Variants in PAX4 observed in about 807,000 individuals in gnomAD.
PAX4 encodes the protein paired box 4.
A neutral mutation model predicts 40.6 loss-of-function variants in PAX4; 33 were observed. The ratio of observed to expected loss-of-function variants is 0.81; its 90% confidence interval spans 0.62 to 1.09. The LOEUF (loss-of-function observed/expected upper bound fraction) is 1.09, where lower values mean the gene tolerates loss of function less well. Among genes scored for constraint, PAX4 ranks in the 50% least tolerant of loss-of-function variants. The pLI is 0.00. For synonymous variants in PAX4, 174 were observed against 170.6 expected (o/e 1.02, Z -0.16); for missense variants, 459 against 442.5 (o/e 1.04, Z -0.33).
rs36159526 is a variant in PAX4 at position 127,610,546 on chromosome 7, AGTGTGT to A, written c.*512_*517del. On this transcript the variant is annotated 3_prime_UTR_variant, in exon 12 of 12. Transcript: ENST00000639438. ...GAATAAAATGCCATGATATAATGTC[AGTGTGT>A]GTGTGTGTGTGTGTGTGTGCGCGCA... is the stretch of plus-strand genomic sequence containing the variant. The A allele has an allele frequency of 6.8e-5, 14 of 204,420 alleles. No homozygotes were observed. The highest frequency in any genetic ancestry group is 1.8e-4 in the East Asian group (2 of 11,076). The allele number at this position is 204,420 out of a possible 1,614,324, so 12.7% of individuals were successfully genotyped here.
In PAX4 at chr7:127,610,730, T is replaced by G; in HGVS notation, c.*334A>C. ...AGATGTAAATAAATGATAGGGCAAA[T>G]TGTCTATAATTGTTGAATATTAGAG... On this transcript the variant is annotated 3_prime_UTR_variant, in exon 12 of 12. Coordinates refer to ENST00000639438, the MANE Select transcript of PAX4 (RefSeq NM_001366110.1). 2 of 694,540 alleles carry G rather than the reference T, an allele frequency of 2.9e-6. No individual in the cohort carries two copies. Among genetic ancestry groups the G allele is most frequent in the Non-Finnish European group, 4.9e-6 (2 of 410,956 alleles). 43.0% of individuals were successfully genotyped at this position (694,540 alleles called of 1,614,324 possible). A position where few individuals can be genotyped will look rare whatever the true frequency, so the allele number is the denominator to read the frequency against.
chr7:127,614,808 A>G, intron 5 of PAX4, 72 bp downstream of exon 5: 1 of 1,557,970 alleles, frequency 6.4e-7, no homozygotes, highest in Non-Finnish European at 8.7e-7. Flanking sequence ...ACATTGCCAA[A>G]TAAGAAAGGT....
At chr7:127,612,831 TGTG>T (rs1221953695) in intron 9 of PAX4, among the ~76,000 whole-genome samples, 188 bp downstream of exon 9, 1 of 146,170 alleles carries the variant, frequency 6.8e-6, no homozygotes, top group Non-Finnish European at 1.5e-5. Context: ...GATGGGTGGG[TGTG>T]GTGGGTGGAT....
At chr7:127,614,589 G>A (rs1290543143) in intron 5 of PAX4, 32 bp from the exon 6 acceptor site, 2 of 1,540,036 alleles carry the variant, frequency 1.3e-6, no homozygotes, top group African/African-American at 2.7e-5. Flanking sequence ...GTGGAGAGAT[G>A]GTGCTCAGAC....
chr7:127,611,346 A>C, intron 11 of PAX4, 140 bp from the exon 12 acceptor site: 1 of 1,344,698 alleles, frequency 7.4e-7, no homozygotes, highest in Non-Finnish European at 1.1e-6. Context: ...TTTACCTGCT[A>C]TGGCTGTCAG....
intron 9 of PAX4, among the ~76,000 whole-genome samples, chr7:127,612,600 T>A (rs1794649238): frequency 6.7e-6 from 1 of 149,446 alleles, no homozygotes; most frequent in Non-Finnish European, 1.5e-5. Context: ...GATAAATGGA[T>A]GGATGGAGAG....
chr7:127,611,886 A>C (rs1357349266), intron 10 of PAX4, 59 bp downstream of exon 10: 2 of 1,610,592 alleles, frequency 1.2e-6, no homozygotes, highest in Admixed American at 3.4e-5. Context: ...CCAGAAATGG[A>C]AGAGCCCATG....
rs1285931994 is a variant in PAX4, at chr7:127,613,235, C to T, written c.646-144G>A. On this transcript the variant is annotated intron_variant, in intron 8 of 11. Coordinates refer to ENST00000639438, the MANE Select transcript of PAX4 (RefSeq NM_001366110.1). ...CTCCCTCCCTGCTCTAGCTTTTGCT[C>T]TCTGGCCCCTTCCTCAACTCAAAGG... 3 of 861,660 alleles carry T rather than the reference C, an allele frequency of 3.5e-6. No homozygotes were observed. In the South Asian group the frequency reaches 4.2e-5, roughly 12 times the overall value. 53.4% of individuals were successfully genotyped at this position (861,660 alleles called of 1,614,324 possible).
chr7:127,612,079 T>G (rs1016011576), intron 9 of PAX4, 79 bp from the exon 10 acceptor site: 45 of 1,406,858 alleles, frequency 3.2e-5, no homozygotes, highest in Non-Finnish European at 3.3e-5. Flanking sequence ...GGCAGGAAGG[T>G]TGGATACAAA....
intron 2 of PAX4, 89 bp downstream of exon 2, chr7:127,617,186 G>C (rs574505094): frequency 6.6e-6 from 1 of 152,340 alleles, no homozygotes; most frequent in South Asian, 2.1e-4. Flanking sequence ...GGAGAAAAGA[G>C]ACTAGCACCA....
At chr7:127,614,705 C>T (rs1460566463) in intron 5 of PAX4, 148 bp from the exon 6 acceptor site, 4 of 1,132,634 alleles carry the variant, frequency 3.5e-6, no homozygotes, top group Non-Finnish European at 5.2e-6. Context: ...TCTATGCTTT[C>T]TCCTTCCCAA....
intron 11 of PAX4, 108 bp from the exon 12 acceptor site, chr7:127,611,314 C>G: frequency 2.3e-6 from 3 of 1,305,510 alleles, no homozygotes; most frequent in Non-Finnish European, 3.3e-6. Flanking sequence ...CATATACACA[C>G]TTGAATCCCA....
intron 6 of PAX4, 133 bp from the exon 7 acceptor site, chr7:127,614,014 C>G: frequency 9.5e-7 from 1 of 1,048,320 alleles, no homozygotes; most frequent in Non-Finnish European, 1.4e-6. Context: ...GTGGGGCATT[C>G]ATAGTTATTA....
rs1354794235 is a variant in PAX4 at position 127,610,850 on chromosome 7, G to A, written c.*214C>T. The A allele has an allele frequency of 1.3e-6, 2 of 1,536,820 alleles. No individual in the cohort carries two copies. The highest frequency in any genetic ancestry group is 2.0e-5 in the Admixed American group (1 of 51,000). On this transcript the variant is annotated 3_prime_UTR_variant, in exon 12 of 12. Transcript: ENST00000639438. Reference sequence around the variant, plus strand: ...TTACTGCTGAGTGGAGGCCTCTTAAGGCTAGTGTGAGAAGTGGGTGGGTGT... The same window carrying A: ...TTACTGCTGAGTGGAGGCCTCTTAAAGCTAGTGTGAGAAGTGGGTGGGTGT...
chr7:127,615,449 C>A lies in PAX4; in HGVS notation c.96G>T (p.Arg32=), dbSNP rs770946559. The change falls in exon 4 of 12, where the codon CGG becomes CGT. Residue 32 remains arginine, a synonymous_variant. Transcript: ENST00000639438. Reference sequence around the variant, plus strand: ...AGGGCCGCATTCCACTGACTGCTAGCCGCACAATCTGCTGCCGGGTATCCA... The same window carrying A: ...AGGGCCGCATTCCACTGACTGCTAGACGCACAATCTGCTGCCGGGTATCCA... The part of the protein sequence containing the change: ...LPLDTRQQIV[R]LAVSGMRPCD... 1 of 1,614,092 alleles carries A rather than the reference C, an allele frequency of 6.2e-7. No individual in the cohort carries two copies. The highest frequency in any genetic ancestry group is 1.3e-5 in the African/African-American group (1 of 74,936).
At chr7:127,614,775 C>A in intron 5 of PAX4, 105 bp downstream of exon 5, 2 of 1,473,266 alleles carry the variant, frequency 1.4e-6, no homozygotes, top group South Asian at 2.4e-5. Flanking sequence ...GCCCAGGAGC[C>A]CTGTCACCAG....
Position 127,614,998 on chromosome 7 carries a change from G to A in PAX4, c.242C>T (p.Thr81Ile), listed in dbSNP as rs1193400606. The change falls in exon 5 of 12, where the codon ACA becomes ATA. Residue 81 changes from threonine to isoleucine, a missense_variant. Transcript: ENST00000639438. ...GGCAATTCGAGCCACCACAGGGGGTGTAGCCAGCCGTGGCTTGCTTCCCCC... is the reference window on the plus strand; with the variant it reads ...GGCAATTCGAGCCACCACAGGGGGTATAGCCAGCCGTGGCTTGCTTCCCCC... The part of the protein sequence containing the change: ...GIGGSKPRLA[T>I]PPVVARIAQL... 2 of 1,614,212 alleles carry A rather than the reference G, an allele frequency of 1.2e-6. No homozygotes were observed.
rs1414819441 is a variant in PAX4, at chr7:127,613,867, C to T, written c.451G>A (p.Ala151Thr). Residue 151 changes from alanine (A) to threonine (T), a missense_variant, in exon 7 of 12, where the codon GCT becomes ACT. Transcript: ENST00000639438. ...GAGCCACTATGGGGAGTGAGGACAG[C>T]TGGAGCCAAAACAGCTGAAAAGGAA... is the stretch of plus-strand genomic sequence containing the variant. ...RLRSPAVLAP[A>T]VLTPHSGSET... 1.2e-6 allele frequency: 2 copies of T among 1,614,030 alleles called. No individual in the cohort carries two copies. Among genetic ancestry groups the T allele is most frequent in the African/African-American group, 1.3e-5 (1 of 75,012 alleles).
intron 4 of PAX4, 51 bp downstream of exon 4, chr7:127,615,350 T>G: frequency 6.2e-7 from 1 of 1,613,784 alleles, no homozygotes; most frequent in Non-Finnish European, 8.5e-7. Context: ...AGAGGAGCCC[T>G]TTCTCCCTGC....
Sources: gnomAD v4.1 joint callset for allele counts (sites outside exome capture counted in the v4.1 genomes callset) on GRCh38, gnomAD v4.1.1 for gene constraint, MANE v1.5 for transcripts, NCBI Gene and HGNC (gene_info 2026-07-23, HGNC 2026-07-21) for gene names.